Variants in CACNA1G observed in about 807,000 individuals in gnomAD.
CACNA1G encodes calcium voltage-gated channel subunit alpha1 G.
CACNA1G carries 67 observed loss-of-function variants against 219.4 expected under a neutral mutation model. The ratio of observed to expected loss-of-function variants is 0.31; its 90% CI spans 0.25 to 0.37. CACNA1G has a LOEUF of 0.37. CACNA1G is among the 10% of genes least tolerant of loss of function. The pLI, the probability that CACNA1G is intolerant of heterozygous loss-of-function variation, is 1.00. For synonymous variants in CACNA1G, 1,296 were observed against 1,345.3 expected (o/e 0.96, Z 0.80); for missense variants, 2,380 against 3,231.4 (o/e 0.74, Z 6.39).
intron 9 of CACNA1G, among the ~76,000 whole-genome samples, chr17:50,589,081 G>T (rs2043609824): frequency 6.6e-6 from 1 of 152,166 alleles, no homozygotes; most frequent in African/African-American, 2.4e-5. Flanking sequence ...TATGGACTTG[G>T]CCTCTGCCCT....
At chr17:50,570,229 C>T (rs964662373) in intron 4 of CACNA1G, among the ~76,000 whole-genome samples, 5 of 152,216 alleles carry the variant, frequency 3.3e-5, no homozygotes, top group Admixed American at 1.3e-4. Flanking sequence ...AACGTGACTT[C>T]TCTCAAGACA....
chr17:50,607,506 A>C (rs975727505), intron 24 of CACNA1G: 8 of 325,798 alleles, frequency 2.5e-5, no homozygotes, highest in African/African-American at 1.7e-4. Context: ...AAAAAGAAAA[A>C]ATAATGGTGA....
At chr17:50,594,888 G>C in intron 13 of CACNA1G, 105 bp from the exon 14 acceptor site, 2 of 783,916 alleles carry the variant, frequency 2.6e-6, no homozygotes, top group Non-Finnish European at 4.2e-6. Context: ...CTGCTGTGGG[G>C]TTTGCGCCCC....
chr17:50,607,528 A>ACGCTGCCG, intron 24 of CACNA1G: 2 of 389,262 alleles, frequency 5.1e-6, no homozygotes, highest in South Asian at 3.4e-5. Context: ...TTTTACACAG[A>ACGCTGCCG]AATTCAGATT....
At chr17:50,609,781 T>C (rs1352136355) in intron 25 of CACNA1G, 101 bp from the exon 26 acceptor site, 2 of 984,612 alleles carry the variant, frequency 2.0e-6, no homozygotes, top group Non-Finnish European at 3.1e-6. Context: ...ACCCCACCCA[T>C]AGGCAGAGTG....
chr17:50,604,489 C>T (rs944632567), intron 22 of CACNA1G, among the ~76,000 whole-genome samples: 3 of 152,234 alleles, frequency 2.0e-5, no homozygotes, highest in East Asian at 1.9e-4. Flanking sequence ...CAAGGAGGAC[C>T]GGGGCTGCCG....
chr17:50,618,071 C>G lies in CACNA1G; in HGVS notation c.5250C>G (p.Phe1750Leu). 1 of 1,613,920 alleles carries G rather than the reference C, an allele frequency of 6.2e-7. No homozygotes were observed. Among genetic ancestry groups the G allele is most frequent in the Non-Finnish European group, 8.5e-7 (1 of 1,179,872 alleles). ...LPQVGNLGLL[F>L]MLLFFIFAAL... ...AGGTGGGGAACCTGGGACTTCTCTT[C>G]ATGTTGTTGTTTTTCATCTTTGCAG... is the stretch of plus-strand genomic sequence containing the variant. The change falls in exon 31 of 38, where the codon TTC becomes TTG. Residue 1750 changes from phenylalanine (F) to leucine (L), a missense_variant. Transcript: ENST00000359106. This position sits in a 1 kb window ranked among gnomAD's most constrained non-coding sequence, Gnocchi z 5.3.
In CACNA1G at chr17:50,618,262, T is replaced by C. The variant is rs562779687; in HGVS notation, c.5346T>C (p.His1782=). The C allele has an allele frequency of 1.2e-5, 19 of 1,613,684 alleles. No individual in the cohort carries two copies. In the Middle Eastern group the frequency reaches 8.2e-4, roughly 70 times the overall value. The part of the protein sequence containing the change: ...ETHPCEGLGR[H]ATFRNFGMAF... ...ACCCCTGTGAGGGCCTGGGCCGTCATGCCACCTTTCGGAACTTTGGCATGG... is the reference window on the plus strand; with the variant it reads ...ACCCCTGTGAGGGCCTGGGCCGTCACGCCACCTTTCGGAACTTTGGCATGG... Residue 1782 remains histidine, a synonymous_variant, in exon 32 of 38, where the codon CAT becomes CAC. Transcript: ENST00000359106. This position sits in a 1 kb window ranked among gnomAD's most constrained non-coding sequence, Gnocchi z 5.3.
rs1267279944 is a variant in CACNA1G at position 50,609,920 on chromosome 17, G to A, written c.4744G>A (p.Ala1582Thr). The A allele has an allele frequency of 5.0e-6, 8 of 1,610,892 alleles. No individual in the cohort carries two copies. In the Admixed American group the frequency reaches 1.2e-4, roughly 23 times the overall value. ...LDDVIASGSS[A>T]SAASEAQCKP... ...CGATGTAATTGCTTCCGGCAGCTCAGCCAGCGCTGCGTCAGGTACTGCGTC... is the reference window on the plus strand; with the variant it reads ...CGATGTAATTGCTTCCGGCAGCTCAACCAGCGCTGCGTCAGGTACTGCGTC... The change falls in exon 26 of 38, where the codon GCC (alanine) becomes ACC (threonine). Residue 1582 changes from alanine (A) to threonine (T), a missense_variant. Around this residue, in one of 17 missense-constraint regions of CACNA1G, gnomAD observed 58 missense variants for 71.3 expected, o/e 0.81. Transcript: ENST00000359106.
rs1403986928 is a variant in CACNA1G at position 50,603,615 on chromosome 17, C to T, written c.4169+416C>T. ...CTTGCTGGCTTTCCCCATCTTCAGG[C>T]GCCTGCCAGTGACCACCCCCCGGTG... is the stretch of plus-strand genomic sequence containing the variant. On this transcript the variant is annotated intron_variant, in intron 21 of 37. Coordinates refer to ENST00000359106, the MANE Select transcript of CACNA1G (RefSeq NM_018896.5). The surrounding 1 kb of genome is among the most constrained non-coding windows in gnomAD (Gnocchi z 6.4). 1.3e-5 allele frequency among the ~76,000 whole-genome samples: 2 copies of T among 152,068 alleles called. No homozygotes were observed. Among genetic ancestry groups the T allele is most frequent in the Admixed American group, 6.5e-5 (1 of 15,274 alleles).
At position 50,561,079 on chromosome 17, in the gene CACNA1G, C is replaced by T. The variant is rs1055090902; in HGVS notation, c.-381C>T. On this transcript the variant is annotated 5_prime_UTR_variant, in exon 1 of 38. Transcript: ENST00000359106. The stretch of plus-strand genomic sequence containing the variant: ...CCCTCCCCGGACCCCCGCCCTCCGC[C>T]GCTGCCCCCCTTTTCGTTCGCCCTC... 3.7e-5 allele frequency: 16 copies of T among 430,288 alleles called. No homozygotes were observed. The highest frequency in any genetic ancestry group is 7.2e-5 in the Non-Finnish European group (16 of 221,294). 26.7% of individuals were successfully genotyped at this position (430,288 alleles called of 1,614,324 possible).
Position 50,626,439 on chromosome 17 carries a change from C to T in CACNA1G, c.6822C>T (p.Cys2274=). 1 of 1,606,744 alleles carries T rather than the reference C, an allele frequency of 6.2e-7. No individual in the cohort carries two copies. Among genetic ancestry groups the T allele is most frequent in the Non-Finnish European group, 8.5e-7 (1 of 1,177,160 alleles). The change falls in exon 38 of 38, where the codon TGC becomes TGT. Residue 2274 remains cysteine (C), a synonymous_variant. Coordinates refer to ENST00000359106, the MANE Select transcript of CACNA1G (RefSeq NM_018896.5). This position sits in a 1 kb window ranked among gnomAD's most constrained non-coding sequence, Gnocchi z 4.3. ...EQRRHSIAVS[C]LDSGSQPHLG... is the part of the protein sequence containing the mutation. ...GGAGACACTCTATCGCCGTCAGCTGCCTGGACAGCGGCTCCCAACCCCACC... is the reference window on the plus strand; with the variant it reads ...GGAGACACTCTATCGCCGTCAGCTGTCTGGACAGCGGCTCCCAACCCCACC...
At chr17:50,563,462 TG>T (rs2036655119) in intron 1 of CACNA1G, among the ~76,000 whole-genome samples, 1 of 152,090 alleles carries the variant, frequency 6.6e-6, no homozygotes, top group Non-Finnish European at 1.5e-5. Context: ...CTTCCACGAA[TG>T]GGAAAAAGCA....
chr17:50,588,463 T>C (rs540716719), intron 9 of CACNA1G, among the ~76,000 whole-genome samples: 17 of 100,036 alleles, frequency 1.7e-4, no homozygotes, highest in African/African-American at 6.0e-4. Flanking sequence ...TCCCGCTCCC[T>C]GGCAGACCGG....
chr17:50,610,980 G>A (rs1311915887), intron 26 of CACNA1G, among the ~76,000 whole-genome samples: 2 of 152,152 alleles, frequency 1.3e-5, no homozygotes, highest in Non-Finnish European at 2.9e-5. Context: ...TAAGGGCCGG[G>A]CACAGTGGCT....
At position 50,616,522 on chromosome 17, in the gene CACNA1G, T is replaced by C. The variant is rs113371373; in HGVS notation, c.5021+138T>C. 1.5e-3 allele frequency: 831 copies of C among 548,044 alleles called. 5 individuals carry two copies. Among genetic ancestry groups the C allele is most frequent in the African/African-American group, 0.014 (742 of 52,492 alleles). 33.9% of individuals were successfully genotyped at this position (548,044 alleles called of 1,614,324 possible). On this transcript the variant is annotated intron_variant, in intron 28 of 37. Transcript: ENST00000359106. ...TTCAGCCCCCACCCTGTGGCTGACG[T>C]AGGGGACTAGGGGATGGGAAGGCAT...
At position 50,603,265 on chromosome 17, in the gene CACNA1G, C is replaced by A; in HGVS notation, c.4169+66C>A. 1 of 1,371,412 alleles carries A rather than the reference C, an allele frequency of 7.3e-7. No homozygotes were observed. Among genetic ancestry groups the A allele is most frequent in the Admixed American group, 2.0e-5 (1 of 51,114 alleles). The allele number at this position is 1,371,412 out of a possible 1,614,324, so 85.0% of individuals were successfully genotyped here. On this transcript the variant is annotated intron_variant, in intron 21 of 37. Transcript: ENST00000359106. The surrounding 1 kb of genome is among the most constrained non-coding windows in gnomAD (Gnocchi z 6.4). ...CCCCCTCCGCAGGGACATCTCCCAC[C>A]GCCAGCACTCCCTGCCACGAAACAA... is the stretch of plus-strand genomic sequence containing the variant.
chr17:50,619,730 G>A lies in CACNA1G; in HGVS notation c.5829G>A (p.Leu1943=), dbSNP rs756544306. 49 of 1,610,374 alleles carry A rather than the reference G, an allele frequency of 3.0e-5. No individual in the cohort carries two copies. Among genetic ancestry groups the A allele is most frequent in the Non-Finnish European group, 4.0e-5 (47 of 1,179,274 alleles). The part of the protein sequence containing the change: ...DTISLLIQGS[L]EWELKLMDEL... ...TATCCCTGCTGATCCAGGGCTCCCT[G>A]GAGTGGGAGCTGAAGCTGATGGACG... The change falls in exon 34 of 38, where the codon CTG becomes CTA. Residue 1943 remains leucine, a synonymous_variant. Coordinates refer to ENST00000359106, the MANE Select transcript of CACNA1G (RefSeq NM_018896.5).
At chr17:50,574,485 G>T (rs1365777396) in intron 7 of CACNA1G, among the ~76,000 whole-genome samples, 1 of 152,202 alleles carries the variant, frequency 6.6e-6, no homozygotes, top group Non-Finnish European at 1.5e-5. Flanking sequence ...AGCCTGACTG[G>T]AGGCCTGTTC....
Sources: gnomAD v4.1 joint callset for allele counts (sites outside exome capture counted in the v4.1 genomes callset) on GRCh38, gnomAD v4.1.1 for gene constraint, gnomAD v4.1.1 regional missense constraint, Gnocchi (gnomAD v3.1) non-coding constraint, MANE v1.5 for transcripts, NCBI Gene and HGNC (gene_info 2026-07-23, HGNC 2026-07-21) for gene names.